Variants in ABI2 observed in about 807,000 individuals in gnomAD.
The protein encoded by ABI2 is abl interactor 2.
Under a neutral mutation model 59.2 loss-of-function variants are expected in ABI2, and 25 were observed. The observed-to-expected ratio is 0.42, with a 90% CI of 0.31 to 0.59. ABI2 has a LOEUF of 0.59. Among genes scored for constraint, ABI2 ranks in the 20% least tolerant of loss-of-function variants. ABI2 has a pLI of 0.14. For synonymous variants in ABI2, 213 were observed against 235.5 expected (o/e 0.90, Z 0.87); for missense variants, 545 against 681.8 (o/e 0.80, Z 2.23).
At chr2:203,380,860 T>G (rs1456556025) in intron 3 of ABI2, among the ~76,000 whole-genome samples, 1 of 152,218 alleles carries the variant, frequency 6.6e-6, no homozygotes, top group Admixed American at 6.5e-5. Context: ...TAGGTAAAAG[T>G]GATAGGTGAA....
At chr2:203,370,236 G>A (rs912173104) in intron 2 of ABI2, among the ~76,000 whole-genome samples, 2 of 147,744 alleles carry the variant, frequency 1.4e-5, no homozygotes, top group African/African-American at 5.0e-5. Context: ...CTTTCTGTGT[G>A]TATGTGTGTG....
At chr2:203,379,747 C>T (rs533052522) in intron 2 of ABI2, among the ~76,000 whole-genome samples, 34 of 152,072 alleles carry the variant, frequency 2.2e-4, no homozygotes, top group Non-Finnish European at 4.1e-4. Context: ...TGTAAAGGAG[C>T]CAGCTAATAT....
At chr2:203,387,065 TTTTTTTTTTTTC>T (rs1439974203) in intron 4 of ABI2, among the ~76,000 whole-genome samples, 8 of 123,738 alleles carry the variant, frequency 6.5e-5, no homozygotes, top group African/African-American at 2.5e-4. Context: ...CCTTTTTTTT[TTTTTTTTTTTTC>T]CCCACATGCC....
At chr2:203,353,088 C>T (rs906518549) in intron 1 of ABI2, among the ~76,000 whole-genome samples, 7 of 152,194 alleles carry the variant, frequency 4.6e-5, no homozygotes, top group Non-Finnish European at 1.0e-4. Context: ...TGTCTAATGA[C>T]GCATTTCTCA....
intron 1 of ABI2, among the ~76,000 whole-genome samples, chr2:203,365,740 C>T (rs938163965): frequency 6.1e-5 from 9 of 147,674 alleles, no homozygotes; most frequent in Admixed American, 3.5e-4. Context: ...CACTGTTCTC[C>T]TACCTCAGCC....
intron 4 of ABI2, among the ~76,000 whole-genome samples, chr2:203,382,576 A>G (rs2096207593): frequency 6.6e-6 from 1 of 152,184 alleles, no homozygotes; most frequent in Non-Finnish European, 1.5e-5. Context: ...ATAAATATAG[A>G]GACTTTGTTA....
Position 203,328,616 on chromosome 2 carries a change from G to C in ABI2, c.102G>C (p.Glu34Asp). 1.9e-6 allele frequency: 3 copies of C among 1,602,666 alleles called. No homozygotes were observed. Among genetic ancestry groups the C allele is most frequent in the South Asian group, 1.1e-5 (1 of 90,296 alleles). ...TNLERVADYC[E>D]NNYIQSADKQ... ...TGGAACGGGTGGCCGATTACTGCGA[G>C]AACAACTACATACAGGTGCGAAGCA... is the stretch of plus-strand genomic sequence containing the variant. Residue 34 changes from glutamate (E) to aspartate (D), a missense_variant, in exon 1 of 12, where the codon GAG becomes GAC. Glu to Asp is a conservative substitution (Grantham distance 45). Transcript: ENST00000261018.
chr2:203,425,007 G>A (rs1215182636), intron 11 of ABI2, among the ~76,000 whole-genome samples: 4 of 150,276 alleles, frequency 2.7e-5, no homozygotes, highest in African/African-American at 9.8e-5. Context: ...CCACAGGCAC[G>A]CGCTACCATG....
At chr2:203,345,421 T>A (rs1308913818) in intron 1 of ABI2, among the ~76,000 whole-genome samples, 1 of 152,120 alleles carries the variant, frequency 6.6e-6, no homozygotes, top group East Asian at 1.9e-4. Context: ...CACGGGTTCA[T>A]TCTTGAAGTC....
chr2:203,360,398 G>A (rs1161815076), intron 1 of ABI2, among the ~76,000 whole-genome samples: 2 of 152,140 alleles, frequency 1.3e-5, no homozygotes, highest in East Asian at 3.8e-4. Flanking sequence ...GTTGGGTGGA[G>A]CAGATTATTT....
chr2:203,388,637 G>A (rs2096625559), intron 4 of ABI2, among the ~76,000 whole-genome samples: 1 of 151,874 alleles, frequency 6.6e-6, no homozygotes, highest in South Asian at 2.1e-4. Context: ...GCCGAGATCA[G>A]GCCATTGCAC....
At chr2:203,340,179 T>C (rs1303651681) in intron 1 of ABI2, among the ~76,000 whole-genome samples, 2 of 152,256 alleles carry the variant, frequency 1.3e-5, no homozygotes, top group African/African-American at 2.4e-5. Context: ...GATGAACCCA[T>C]AGAATGAAGC....
intron 3 of ABI2, among the ~76,000 whole-genome samples, chr2:203,380,918 T>A (rs2096077088): frequency 6.6e-6 from 1 of 152,232 alleles, no homozygotes; most frequent in Non-Finnish European, 1.5e-5. Flanking sequence ...ATATTTTGGC[T>A]GTCTTTTAAG....
At chr2:203,329,324 A>T (rs1258715267) in intron 1 of ABI2, 1 of 145,470 alleles carries the variant, frequency 6.9e-6, no homozygotes, top group African/African-American at 2.5e-5. Flanking sequence ...AATTGGGAAG[A>T]TGAACCTCCT....
At chr2:203,376,064 A>G in intron 2 of ABI2, 1 of 1,534,188 alleles carries the variant, frequency 6.5e-7, no homozygotes, top group Non-Finnish European at 8.7e-7. Context: ...TAGGCAAATT[A>G]GAGGCGTTGA....
At chr2:203,378,103 TTTTTC>T (rs1193071748) in intron 2 of ABI2, among the ~76,000 whole-genome samples, 13 of 151,882 alleles carry the variant, frequency 8.6e-5, no homozygotes, top group East Asian at 3.9e-4. Context: ...TTTCTTTTTC[TTTTTC>T]TTTTCTTTTC....
chr2:203,369,321 G>A (rs904520776), intron 2 of ABI2, among the ~76,000 whole-genome samples: 4 of 152,190 alleles, frequency 2.6e-5, no homozygotes, highest in African/African-American at 7.2e-5. Context: ...TTCCTAAAAA[G>A]GAGGAACAAG....
intron 1 of ABI2, among the ~76,000 whole-genome samples, chr2:203,341,675 A>C (rs1327393090): frequency 6.6e-6 from 1 of 152,086 alleles, no homozygotes; most frequent in African/African-American, 2.4e-5. Flanking sequence ...GCACCACTGC[A>C]CTCCAGCCTG....
At chr2:203,400,038 C>A (rs1252579925) in intron 8 of ABI2, among the ~76,000 whole-genome samples, 1 of 148,654 alleles carries the variant, frequency 6.7e-6, no homozygotes, top group Non-Finnish European at 1.5e-5. Context: ...ATTTTTAAAA[C>A]CCCAAATGGT....
Sources: gnomAD v4.1 joint callset for allele counts (sites outside exome capture counted in the v4.1 genomes callset) on GRCh38, gnomAD v4.1.1 for gene constraint, MANE v1.5 for transcripts, NCBI Gene and HGNC (gene_info 2026-07-23, HGNC 2026-07-21) for gene names.